RBFOX1: variants seen among roughly 807,000 people sequenced by gnomAD.
RBFOX1 encodes the protein RNA binding protein fox-1 homolog 1.
RBFOX1 carries 8 observed loss-of-function variants against 57.7 expected under a neutral mutation model. That is an observed-to-expected ratio of 0.14 (90% CI 0.08 to 0.25). The LOEUF (loss-of-function observed/expected upper bound fraction) is 0.25, where lower values mean the gene tolerates loss of function less well. Among genes scored for constraint, RBFOX1 ranks in the 10% least tolerant of loss-of-function variants. The pLI is 1.00. For missense variants in RBFOX1, 611 were observed against 548.5 expected, an observed-to-expected ratio of 1.11 and a Z score of -1.14; for synonymous variants, 326 against 222.4, an observed-to-expected ratio of 1.47 and a Z score of -4.15.
chr16:5,705,649 G>C (rs937007178), intron 3 of RBFOX1, among the ~76,000 whole-genome samples: 5 of 152,202 alleles, frequency 3.3e-5, no homozygotes, highest in Non-Finnish European at 7.3e-5. Context: ...ACCATTAAGT[G>C]ACTGAGCAAT....
chr16:6,626,206 G>T (rs2098303827), intron 2 of RBFOX1, among the ~76,000 whole-genome samples: 1 of 149,468 alleles, frequency 6.7e-6, no homozygotes, highest in Admixed American at 6.7e-5. Flanking sequence ...CTGTCCATCA[G>T]ATTGAACATT....
At chr16:7,209,337 A>T (rs556509035) in intron 4 of RBFOX1, among the ~76,000 whole-genome samples, 1 of 151,956 alleles carries the variant, frequency 6.6e-6, no homozygotes, top group Admixed American at 6.6e-5. Flanking sequence ...CTCTGTTTCA[A>T]ATAAATAAAT....
At chr16:6,321,693 G>T (rs2081817450) in intron 2 of RBFOX1, among the ~76,000 whole-genome samples, 1 of 152,198 alleles carries the variant, frequency 6.6e-6, no homozygotes, top group Non-Finnish European at 1.5e-5. Flanking sequence ...GGCAGATAGA[G>T]GGATGGAAGA....
At chr16:7,313,572 T>A (rs5009029) in intron 4 of RBFOX1, among the ~76,000 whole-genome samples, 1 of 150,144 alleles carries the variant, frequency 6.7e-6, no homozygotes, top group Non-Finnish European at 1.5e-5. Flanking sequence ...GGTAACGAGA[T>A]AAGCCAGCCT....
At chr16:6,862,180 G>A (rs34982008) in intron 3 of RBFOX1, among the ~76,000 whole-genome samples, 2 of 152,016 alleles carry the variant, frequency 1.3e-5, no homozygotes, top group African/African-American at 2.4e-5. Flanking sequence ...TGCTGTGTGT[G>A]TCATGTTTAG....
intron 1 of RBFOX1, among the ~76,000 whole-genome samples, chr16:5,406,386 C>T (rs936748218): frequency 2.6e-5 from 4 of 152,090 alleles, no homozygotes; most frequent in African/African-American, 7.2e-5. Context: ...TGAGCTGGGA[C>T]GTCAATCTTC....
At chr16:7,206,454 A>G (rs182844967) in intron 4 of RBFOX1, among the ~76,000 whole-genome samples, 1 of 118,510 alleles carries the variant, frequency 8.4e-6, no homozygotes. Context: ...TTCCTTATTA[A>G]TATATATAAT....
intron 1 of RBFOX1, among the ~76,000 whole-genome samples, chr16:5,311,670 A>T (rs189123960): frequency 5.4e-4 from 82 of 152,122 alleles, no homozygotes; most frequent in Non-Finnish European, 3.5e-4. Context: ...ATTTTTTCCT[A>T]TGTTTGTTGG....
intron 4 of RBFOX1, chr16:7,304,192 G>T (rs1449284094): frequency 8.2e-6 from 8 of 971,156 alleles, no homozygotes; most frequent in Non-Finnish European, 9.7e-6. Flanking sequence ...AGGAAAGAGG[G>T]GGAGAGAGAC....
intron 4 of RBFOX1, among the ~76,000 whole-genome samples, chr16:7,116,770 C>T (rs949823960): frequency 2.0e-5 from 3 of 152,086 alleles, no homozygotes; most frequent in Non-Finnish European, 2.9e-5. Flanking sequence ...CAGGTATTGA[C>T]CACCTCCTTG....
chr16:5,860,870 G>A (rs1050211063), intron 3 of RBFOX1, among the ~76,000 whole-genome samples: 1 of 152,172 alleles, frequency 6.6e-6, no homozygotes, highest in East Asian at 1.9e-4. Flanking sequence ...CATCTTTGAT[G>A]GTCGTTCTTC....
intron 1 of RBFOX1, among the ~76,000 whole-genome samples, chr16:6,222,684 T>TTTATTTTTA (rs2097383706): frequency 7.1e-6 from 1 of 141,302 alleles, no homozygotes; most frequent in Non-Finnish European, 1.5e-5. Flanking sequence ...TTTCTTTTCT[T>TTTATTTTTA]TTATTATTAT....
chr16:7,524,604 C>A (rs937932005), intron 5 of RBFOX1, among the ~76,000 whole-genome samples: 1 of 152,210 alleles, frequency 6.6e-6, no homozygotes. Context: ...CCACCACTTT[C>A]CCACTAGCTC....
intron 4 of RBFOX1, among the ~76,000 whole-genome samples, chr16:7,099,081 T>G (rs901900937): frequency 6.6e-6 from 1 of 152,170 alleles, no homozygotes; most frequent in Non-Finnish European, 1.5e-5. Context: ...CAAACAGTTA[T>G]GGTGAAAGTT....
intron 4 of RBFOX1, among the ~76,000 whole-genome samples, chr16:7,408,520 T>C (rs2098384285): frequency 6.6e-6 from 1 of 152,180 alleles, no homozygotes; most frequent in African/African-American, 2.4e-5. Context: ...CCCGACACTT[T>C]TCATCTCTCT....
At chr16:6,206,015 A>G (rs1273304323) in intron 1 of RBFOX1, among the ~76,000 whole-genome samples, 1 of 151,976 alleles carries the variant, frequency 6.6e-6, no homozygotes, top group Non-Finnish European at 1.5e-5. Context: ...AGCAGAACAT[A>G]GAGATAGCCA....
intron 3 of RBFOX1, among the ~76,000 whole-genome samples, chr16:5,840,473 G>A (rs17138733): frequency 0.023 from 3,526 of 152,236 alleles, 129 homozygotes; most frequent in African/African-American, 0.08. Context: ...GATAGGCCTG[G>A]CGGTGACCTG....
At chr16:7,281,566 AT>A (rs568877165) in intron 4 of RBFOX1, among the ~76,000 whole-genome samples, 2 of 152,212 alleles carry the variant, frequency 1.3e-5, no homozygotes, top group African/African-American at 4.8e-5. Context: ...TCTTATTAGC[AT>A]TGTCTGGGCA....
At chr16:5,283,215 TA>T (rs2063313818) in intron 1 of RBFOX1, among the ~76,000 whole-genome samples, 1 of 152,188 alleles carries the variant, frequency 6.6e-6, no homozygotes, top group South Asian at 2.1e-4. Flanking sequence ...TGGAAATGCC[TA>T]GATGTCCAGG....
Sources: allele counts gnomAD v4.1 joint callset (sites outside exome capture counted in the v4.1 genomes callset), GRCh38; gene constraint gnomAD v4.1.1; transcripts MANE v1.5; gene names NCBI Gene and HGNC (gene_info 2026-07-23, HGNC 2026-07-21).